BTNL2: variants seen among roughly 807,000 people sequenced by gnomAD.
BTNL2 encodes the protein butyrophilin like 2.
Under a neutral mutation model 46.8 loss-of-function variants are expected in BTNL2, and 46 were observed. That is an observed-to-expected ratio of 0.98 (90% CI 0.78 to 1.26). The LOEUF (loss-of-function observed/expected upper bound fraction) is 1.26. Ranked by LOEUF, BTNL2 falls within the 50% of genes most tolerant of loss-of-function variation. BTNL2 has a pLI of 0.00. For missense variants in BTNL2, 461 were observed against 592.6 expected (o/e 0.78, Z 2.31); for synonymous variants, 226 against 229.1 (o/e 0.99, Z 0.12).
Position 32,403,098 on chromosome 6 carries a change from TC to T in BTNL2, c.545del (p.Gly182GlufsTer65), listed in dbSNP as rs745713767. The part of the protein sequence containing the change: ...EPQVYWEDIR[G>X]EKLLAVSEHR... ...GCTCAGACACGGCCAGCAGCTTCTC[TC>T]CCCGGATGTCTTCCCAATACACCTG... On this transcript the variant is annotated frameshift_variant, in exon 3 of 8. Coordinates refer to ENST00000454136, the MANE Select transcript of BTNL2 (RefSeq NM_001304561.2). LOFTEE classifies it high-confidence loss of function. The T allele has an allele frequency of 1.5e-5, 24 of 1,612,694 alleles. No homozygotes were observed. Among genetic ancestry groups the T allele is most frequent in the Non-Finnish European group, 2.0e-5 (24 of 1,179,918 alleles).
intron 3 of BTNL2, among the ~76,000 whole-genome samples, chr6:32,402,093 T>C (rs1228974434): frequency 1.3e-5 from 2 of 151,986 alleles, no homozygotes; most frequent in Non-Finnish European, 2.9e-5. Flanking sequence ...GAAAATAACA[T>C]ATGTTCCTTT....
In BTNL2 at chr6:32,399,635, C is replaced by T. The variant is rs117131280; in HGVS notation, c.730+2150G>A. Among the ~76,000 whole-genome samples the T allele has an allele frequency of 0.012, 1,856 of 152,162 alleles. 67 individuals carry two copies. Among genetic ancestry groups the T allele is most frequent in the East Asian group, 0.11 (565 of 5,170 alleles). Reference sequence around the variant, plus strand: ...ATCACCATTTCTTCCTGATTTTTGGCAAACCATGTATGTCTCTAAGATTGT... The same window carrying T: ...ATCACCATTTCTTCCTGATTTTTGGTAAACCATGTATGTCTCTAAGATTGT... On this transcript the variant is annotated intron_variant, in intron 4 of 7. Transcript: ENST00000454136. The surrounding 1 kb of genome is among the most constrained non-coding windows in gnomAD (Gnocchi z 5.2).
At chr6:32,403,523 T>A in intron 2 of BTNL2, 1 of 360,644 alleles carries the variant, frequency 2.8e-6, no homozygotes, top group Non-Finnish European at 5.0e-6. Flanking sequence ...TGAGCTGTAA[T>A]TTATTCATTA....
At chr6:32,403,293 T>C (rs1482073305) in intron 2 of BTNL2, 77 bp from the exon 3 acceptor site, 1 of 1,476,864 alleles carries the variant, frequency 6.8e-7, no homozygotes, top group African/African-American at 1.4e-5. Context: ...CCCAGTGACG[T>C]TGCTCACAGG....
At chr6:32,400,690 A>G (rs1480165137) in intron 4 of BTNL2, among the ~76,000 whole-genome samples, 1 of 149,468 alleles carries the variant, frequency 6.7e-6, no homozygotes, top group East Asian at 2.0e-4. Flanking sequence ...CCGGCGGATC[A>G]TGAGGTCAGG....
At chr6:32,405,822 TTTTTTTGTTTG>T (rs991926194) in intron 1 of BTNL2, among the ~76,000 whole-genome samples, 9 of 132,876 alleles carry the variant, frequency 6.8e-5, no homozygotes, top group Non-Finnish European at 1.2e-4. Context: ...TTTTTTGTTT[TTTTTTTGTTTG>T]TTTTTTTCCC....
chr6:32,397,021 A>G (rs1370733712), intron 4 of BTNL2, among the ~76,000 whole-genome samples: 4 of 152,152 alleles, frequency 2.6e-5, no homozygotes, highest in Non-Finnish European at 4.4e-5. Context: ...AACAGTTTAT[A>G]AATTTGGCCC....
At position 32,394,094 on chromosome 6, in the gene BTNL2, A is replaced by C; in HGVS notation, c.1361-37T>G. On this transcript the variant is annotated intron_variant, in intron 6 of 7. Coordinates refer to ENST00000454136, the MANE Select transcript of BTNL2 (RefSeq NM_001304561.2). This position sits in a 1 kb window ranked among gnomAD's most constrained non-coding sequence, Gnocchi z 4.6. ...ACCCAAGAATCCCTTGAAACTGTGAAACTGGGACAATATTAAGATTGTACT... is the reference window on the plus strand; with the variant it reads ...ACCCAAGAATCCCTTGAAACTGTGACACTGGGACAATATTAAGATTGTACT... 6.5e-7 allele frequency: 1 copy of C among 1,547,530 alleles called. No individual in the cohort carries two copies. The highest frequency in any genetic ancestry group is 8.7e-7 in the Non-Finnish European group (1 of 1,144,984).
In BTNL2 at chr6:32,396,191, C is replaced by T. The variant is rs770027489; in HGVS notation, c.926G>A (p.Arg309Lys). The T allele has an allele frequency of 6.2e-7, 1 of 1,613,122 alleles. No homozygotes were observed. Among genetic ancestry groups the T allele is most frequent in the Admixed American group, 1.7e-5 (1 of 60,032 alleles). Reference protein sequence around the residue: ...HVAGEQMAEYRGRTVLVSDAI... With the variant: ...HVAGEQMAEYKGRTVLVSDAI... ...GTCACTCACCAGTACAGTCCTCCCTCTGTACTCTGCCATCTGCTCTCCAGC... is the reference window on the plus strand; with the variant it reads ...GTCACTCACCAGTACAGTCCTCCCTTTGTACTCTGCCATCTGCTCTCCAGC... Residue 309 changes from arginine (R) to lysine (K), a missense_variant, in exon 5 of 8, where the codon AGA becomes AAA. Coordinates refer to ENST00000454136, the MANE Select transcript of BTNL2 (RefSeq NM_001304561.2). This position sits in a 1 kb window ranked among gnomAD's most constrained non-coding sequence, Gnocchi z 4.4.
chr6:32,401,886 A>C, intron 3 of BTNL2, 81 bp from the exon 4 acceptor site: 1 of 1,250,528 alleles, frequency 8.0e-7, no homozygotes, highest in Non-Finnish European at 1.1e-6. Flanking sequence ...AAAGAAAGCA[A>C]TTTATACATT....
At chr6:32,405,351 G>T in intron 1 of BTNL2, 65 bp from the exon 2 acceptor site, 1 of 1,475,726 alleles carries the variant, frequency 6.8e-7, no homozygotes, top group Non-Finnish European at 9.3e-7. Context: ...CATGCTTTGG[G>T]GTGTCCAGCC....
intron 1 of BTNL2, chr6:32,406,524 T>TG (rs1056237634): frequency 1.3e-5 from 2 of 150,646 alleles, no homozygotes; most frequent in African/African-American, 4.9e-5. Flanking sequence ...TTTTTTTTTT[T>TG]GACACTGAAT....
chr6:32,393,715 G>GC lies in BTNL2; in HGVS notation c.*6+247dup, dbSNP rs1776261210. ...CCCTAACCAGATCACTGGGGAATGG[G>GC]CAGCAGGAAATCAAATCATTATCTT... is the stretch of plus-strand genomic sequence containing the variant. On this transcript the variant is annotated intron_variant, in intron 7 of 7. Transcript: ENST00000454136. This position sits in a 1 kb window ranked among gnomAD's most constrained non-coding sequence, Gnocchi z 4.8. The GC allele has an allele frequency of 2.6e-6, 1 of 383,238 alleles. No individual in the cohort carries two copies. Among genetic ancestry groups the GC allele is most frequent in the Admixed American group, 4.5e-5 (1 of 22,048 alleles). 23.7% of individuals were successfully genotyped at this position (383,238 alleles called of 1,614,324 possible).
Position 32,404,951 on chromosome 6 carries a change from G to A in BTNL2, c.415C>T (p.Leu139Phe). The A allele has an allele frequency of 6.2e-7, 1 of 1,612,688 alleles. No individual in the cohort carries two copies. The highest frequency in any genetic ancestry group is 8.5e-7 in the Non-Finnish European group (1 of 1,179,684). ...GNYCGETSLL[L>F]KVAGLGSAPS... ...CCCAGATATTCACCTGCTACTTTGA[G>A]CAGCAAGCTTGTTTCTCCACAGTAG... The change falls in exon 2 of 8, where the codon CTC becomes TTC. Residue 139 changes from leucine (L) to phenylalanine (F), a missense_variant. Leu to Phe is a conservative substitution (Grantham distance 22). Coordinates refer to ENST00000454136, the MANE Select transcript of BTNL2 (RefSeq NM_001304561.2).
chr6:32,402,826 G>T, intron 3 of BTNL2, 109 bp downstream of exon 3: 1 of 1,147,268 alleles, frequency 8.7e-7, no homozygotes, highest in Non-Finnish European at 1.2e-6. Flanking sequence ...AATACATATT[G>T]CTATATGATA....
rs114516436 is a variant in BTNL2, at chr6:32,394,234, A to G, written c.1361-177T>C. ...GCAGAGGAGAGAATGCAAGTATTTC[A>G]TGTTTGCTCGTCTCAGAAATGTACA... On this transcript the variant is annotated intron_variant, in intron 6 of 7. Coordinates refer to ENST00000454136, the MANE Select transcript of BTNL2 (RefSeq NM_001304561.2). The surrounding 1 kb of genome is among the most constrained non-coding windows in gnomAD (Gnocchi z 4.6). Among the ~76,000 whole-genome samples, 21,023 of 148,394 alleles carry G rather than the reference A, an allele frequency of 0.14. 1,918 individuals are homozygous for G. Among genetic ancestry groups the G allele is most frequent in the South Asian group, 0.17 (797 of 4,696 alleles).
intron 1 of BTNL2, among the ~76,000 whole-genome samples, chr6:32,405,807 G>GTTTT (rs56858224): frequency 7.8e-6 from 1 of 127,812 alleles, no homozygotes. Flanking sequence ...TATAAAAACT[G>GTTTT]TTTTTTTTTT....
At position 32,394,937 on chromosome 6, in the gene BTNL2, C is replaced by A. The variant is rs1198485047; in HGVS notation, c.1167G>T (p.Gln389His). The A allele has an allele frequency of 6.2e-7, 1 of 1,614,152 alleles. No homozygotes were observed. Among genetic ancestry groups the A allele is most frequent in the South Asian group, 1.1e-5 (1 of 91,078 alleles). ...PMCSSDGWFP[Q>H]PHVPWRDMEG... ...CCATGTCCCTCCATGGCACGTGGGG[C>A]TGTGGGAACCACCCATCTGAAGAGC... The change falls in exon 6 of 8, where the codon CAG becomes CAT. Residue 389 changes from glutamine (Q) to histidine (H), a missense_variant. Physicochemically the swap from Gln to His is conservative, Grantham distance 24. Coordinates refer to ENST00000454136, the MANE Select transcript of BTNL2 (RefSeq NM_001304561.2). The surrounding 1 kb of genome is among the most constrained non-coding windows in gnomAD (Gnocchi z 4.6).
rs117026188 is a variant in BTNL2, at chr6:32,393,592, G to A, written c.*7-203C>T. ...ACAAGTAGGTCACCACATTTTTAAA[G>A]ATCATAGGAAATTGTTCACGCCAAC... On this transcript the variant is annotated intron_variant, in intron 7 of 7. Coordinates refer to ENST00000454136, the MANE Select transcript of BTNL2 (RefSeq NM_001304561.2). The surrounding 1 kb of genome is among the most constrained non-coding windows in gnomAD (Gnocchi z 4.8). 1,134 of 161,458 alleles carry A rather than the reference G, an allele frequency of 7.0e-3. 26 individuals carry two copies. In the East Asian group the frequency reaches 0.082, roughly 12 times the overall value. 10.0% of individuals were successfully genotyped at this position (161,458 alleles called of 1,614,324 possible).
Sources: gnomAD v4.1 joint callset for allele counts (sites outside exome capture counted in the v4.1 genomes callset) on GRCh38, gnomAD v4.1.1 for gene constraint, Gnocchi (gnomAD v3.1) non-coding constraint, MANE v1.5 for transcripts, NCBI Gene and HGNC (gene_info 2026-07-23, HGNC 2026-07-21) for gene names.